OR11H4: variants seen among roughly 807,000 people sequenced by gnomAD.
OR11H4 encodes the protein olfactory receptor 11H4.
For missense variants in OR11H4, 460 were observed against 371.1 expected (o/e 1.24, Z -1.97); for synonymous variants, 162 against 142.3 (o/e 1.14, Z -0.98).
chr14:20,243,952 C>G lies in OR11H4; in HGVS notation c.*186C>G, dbSNP rs1881002963. On this transcript the variant is annotated 3_prime_UTR_variant, in exon 2 of 2. Transcript: ENST00000641082. ...ACCTTAATTAACTGGTCTTCAACAT[C>G]CACTTAAAAGTTTTCAAAGCCTGTC... The G allele has an allele frequency of 6.1e-6, 3 of 489,968 alleles. No homozygotes were observed. Among genetic ancestry groups the G allele is most frequent in the African/African-American group, 5.9e-5 (3 of 51,000 alleles). The allele number at this position is 489,968 out of a possible 1,614,324, so 30.4% of individuals were successfully genotyped here. A position where few individuals can be genotyped will look rare whatever the true frequency, so the allele number is the denominator to read the frequency against.
At chr14:20,242,654 A>C (rs1880960206) in intron 1 of OR11H4, 157 bp from the exon 2 acceptor site, 1 of 771,838 alleles carries the variant, frequency 1.3e-6, no homozygotes, top group Non-Finnish European at 2.1e-6. Context: ...TCAATTCAAA[A>C]TTTGGTAGGA....
At chr14:20,242,056 A>G (rs8013652) in intron 1 of OR11H4, among the ~76,000 whole-genome samples, 43,898 of 151,304 alleles carry the variant, frequency 0.29, 6,431 homozygotes, top group African/African-American at 0.34. Context: ...CCCAGGGGCA[A>G]GCAGGAGACA....
chr14:20,243,293 A>C lies in OR11H4; in HGVS notation c.472A>C (p.Ile158Leu). 6.2e-6 allele frequency: 10 copies of C among 1,614,086 alleles called. No homozygotes were observed. The highest frequency in any genetic ancestry group is 8.5e-6 in the Non-Finnish European group (10 of 1,179,992). The stretch of plus-strand genomic sequence containing the variant: ...GCTTATTGGATTCCTTGGATACCCA[A>C]TTCCCATTTTCTACATCTCCCAACT... ...CWLIGFLGYP[I>L]PIFYISQLPF... The change falls in exon 2 of 2, where the codon ATT becomes CTT. Residue 158 changes from isoleucine (I) to leucine (L), a missense_variant. By Grantham distance (5) the Ile-to-Leu change is conservative. Transcript: ENST00000641082.
At chr14:20,242,108 T>G (rs1306859319) in intron 1 of OR11H4, among the ~76,000 whole-genome samples, 2 of 152,042 alleles carry the variant, frequency 1.3e-5, no homozygotes, top group Non-Finnish European at 2.9e-5. Flanking sequence ...TTTCCTCTTT[T>G]ACTAATCCAC....
chr14:20,242,759 T>A (rs756808055), intron 1 of OR11H4, 52 bp from the exon 2 acceptor site: 12 of 1,575,926 alleles, frequency 7.6e-6, no homozygotes, highest in Non-Finnish European at 1.0e-5. Flanking sequence ...AGCAAGCAAT[T>A]GGATTACACT....
intron 1 of OR11H4, among the ~76,000 whole-genome samples, chr14:20,241,168 T>C (rs1401657738): frequency 1.3e-5 from 2 of 152,182 alleles, no homozygotes; most frequent in East Asian, 3.9e-4. Context: ...TAAATTTTTG[T>C]ATAGAAAACA....
At chr14:20,242,705 T>C (rs911619140) in intron 1 of OR11H4, 106 bp from the exon 2 acceptor site, 1 of 1,301,732 alleles carries the variant, frequency 7.7e-7, no homozygotes, top group Non-Finnish European at 1.1e-6. Context: ...TGTATTTTCC[T>C]GTATACCTCA....
chr14:20,243,784 C>A lies in OR11H4; in HGVS notation c.*18C>A. 6.5e-7 allele frequency: 1 copy of A among 1,548,756 alleles called. No individual in the cohort carries two copies. The highest frequency in any genetic ancestry group is 2.3e-5 in the East Asian group (1 of 44,390). On this transcript the variant is annotated 3_prime_UTR_variant, in exon 2 of 2. Coordinates refer to ENST00000641082, the MANE Select transcript of OR11H4 (RefSeq NM_001004479.2). ...ATTCGTGAGCCAAAGATGTGCCATA[C>A]TTACAAGTTCTAACGAAGAACAAGG... is the stretch of plus-strand genomic sequence containing the variant.
intron 1 of OR11H4, among the ~76,000 whole-genome samples, chr14:20,239,587 A>T (rs139134005): frequency 6.6e-6 from 1 of 151,890 alleles, no homozygotes; most frequent in Non-Finnish European, 1.5e-5. Flanking sequence ...CCAGCTACTC[A>T]GGAGGCTGAG....
At chr14:20,241,331 G>A (rs1373116891) in intron 1 of OR11H4, among the ~76,000 whole-genome samples, 1 of 151,956 alleles carries the variant, frequency 6.6e-6, no homozygotes, top group East Asian at 1.9e-4. Flanking sequence ...CCATGCAGCA[G>A]TCAATCTATT....
chr14:20,240,138 C>T (rs910342381), intron 1 of OR11H4, among the ~76,000 whole-genome samples: 1 of 152,088 alleles, frequency 6.6e-6, no homozygotes, highest in Non-Finnish European at 1.5e-5. Context: ...GAACAAAGGG[C>T]GGGAGGCTCA....
In OR11H4 at chr14:20,243,835, G is replaced by T; in HGVS notation, c.*69G>T. ...TCGAGATGTTGTCAGTTCTTTAGCA[G>T]TCTTTCAGTCCTCAGTCTGAGTAGT... On this transcript the variant is annotated 3_prime_UTR_variant, in exon 2 of 2. Coordinates refer to ENST00000641082, the MANE Select transcript of OR11H4 (RefSeq NM_001004479.2). 1 of 1,451,066 alleles carries T rather than the reference G, an allele frequency of 6.9e-7. No individual in the cohort carries two copies. The allele number at this position is 1,451,066 out of a possible 1,614,324, so 89.9% of individuals were successfully genotyped here. A position where few individuals can be genotyped will look rare whatever the true frequency, so the allele number is the denominator to read the frequency against.
chr14:20,243,520 T>C lies in OR11H4; in HGVS notation c.699T>C (p.Gly233=), dbSNP rs1433705647. The change falls in exon 2 of 2, where the codon GGT becomes GGC. Residue 233 remains glycine (G), a synonymous_variant. Coordinates refer to ENST00000641082, the MANE Select transcript of OR11H4 (RefSeq NM_001004479.2). ...TTTTTCAGGTCCCTTCTGCAGCTGG[T>C]CGGAGAAAAGCCTTCTCTACCTGTG... The part of the protein sequence containing the change: ...TAVFQVPSAA[G]RRKAFSTCGS... 7 of 1,613,846 alleles carry C rather than the reference T, an allele frequency of 4.3e-6. No homozygotes were observed. Among genetic ancestry groups the C allele is most frequent in the Non-Finnish European group, 5.9e-6 (7 of 1,179,904 alleles).
chr14:20,239,437 G>C (rs1880866407), intron 1 of OR11H4, 106 bp downstream of exon 1: 1 of 152,492 alleles, frequency 6.6e-6, no homozygotes, highest in African/African-American at 2.4e-5. Context: ...GCTCATGCCT[G>C]TAATCCCACC....
At chr14:20,240,744 T>G (rs1594242093) in intron 1 of OR11H4, among the ~76,000 whole-genome samples, 1 of 151,820 alleles carries the variant, frequency 6.6e-6, no homozygotes, top group South Asian at 2.1e-4. Flanking sequence ...ACCCAGCTAA[T>G]TTTTGTATTT....
rs540409235 is a variant in OR11H4 at position 20,243,517 on chromosome 14, T to C, written c.696T>C (p.Ala232=). Residue 232 remains alanine, a synonymous_variant, in exon 2 of 2, where the codon GCT becomes GCC. Coordinates refer to ENST00000641082, the MANE Select transcript of OR11H4 (RefSeq NM_001004479.2). ...CTGTTTTTCAGGTCCCTTCTGCAGC[T>C]GGTCGGAGAAAAGCCTTCTCTACCT... ...LTAVFQVPSA[A]GRRKAFSTCG... is the part of the protein sequence containing the mutation. 1.7e-5 allele frequency: 28 copies of C among 1,613,800 alleles called. No individual in the cohort carries two copies. The highest frequency in any genetic ancestry group is 2.2e-5 in the Non-Finnish European group (26 of 1,179,942).
Position 20,243,327 on chromosome 14 carries a change from G to A in OR11H4, c.506G>A (p.Cys169Tyr). ...TTCTACATCTCCCAACTCCCCTTCT[G>A]TGGTCCTAATATCATTGATCACTTC... is the stretch of plus-strand genomic sequence containing the variant. ...PIFYISQLPFCGPNIIDHFLC... is the reference protein window; with the variant it reads ...PIFYISQLPFYGPNIIDHFLC... The change falls in exon 2 of 2, where the codon TGT becomes TAT. Residue 169 changes from cysteine (C) to tyrosine (Y), a missense_variant. Physicochemically the swap from Cys to Tyr is radical, Grantham distance 194. Coordinates refer to ENST00000641082, the MANE Select transcript of OR11H4 (RefSeq NM_001004479.2). 5.6e-6 allele frequency: 9 copies of A among 1,613,940 alleles called. No individual in the cohort carries two copies. Among genetic ancestry groups the A allele is most frequent in the Non-Finnish European group, 7.6e-6 (9 of 1,179,908 alleles).
intron 1 of OR11H4, among the ~76,000 whole-genome samples, chr14:20,240,824 C>T (rs1167207628): frequency 6.6e-6 from 1 of 152,082 alleles, no homozygotes; most frequent in Admixed American, 6.5e-5. Flanking sequence ...GATCTACCCA[C>T]TTTGGCCTCT....
chr14:20,241,372 A>T (rs1253129515), intron 1 of OR11H4, among the ~76,000 whole-genome samples: 3 of 151,882 alleles, frequency 2.0e-5, no homozygotes, highest in African/African-American at 7.3e-5. Context: ...AACCAATTTT[A>T]TTTTTTTCAG....
Sources: gnomAD v4.1 joint callset for allele counts (sites outside exome capture counted in the v4.1 genomes callset) on GRCh38, gnomAD v4.1.1 for gene constraint, MANE v1.5 for transcripts, NCBI Gene and HGNC (gene_info 2026-07-23, HGNC 2026-07-21) for gene names.